The following ZNF385D variants were observed in gnomAD, a reference collection of about 807,000 sequenced individuals.
ZNF385D encodes zinc finger protein 659.
A neutral mutation model predicts 35.8 loss-of-function variants in ZNF385D; 15 were observed. The ratio of observed to expected loss-of-function variants is 0.42; its 90% confidence interval spans 0.28 to 0.64. The LOEUF is 0.64. ZNF385D is among the 30% of genes least tolerant of loss of function. The probability of loss-of-function intolerance (pLI) is 0.23; values close to 1 mark genes in which losing one functional copy is unlikely to be tolerated. For synonymous variants in ZNF385D, 212 were observed against 186.8 expected (o/e 1.13, Z -1.10); for missense variants, 474 against 494.6 (o/e 0.96, Z 0.39).
chr3:21,446,589 A>G (rs384149), intron 4 of ZNF385D, among the ~76,000 whole-genome samples: 96,503 of 148,558 alleles, frequency 0.65, 31,437 homozygotes, highest in African/African-American at 0.72. Context: ...TGCCTCCTGG[A>G]TTCAAGTGAT....
intron 2 of ZNF385D, among the ~76,000 whole-genome samples, chr3:22,175,464 A>C (rs1286417055): frequency 6.6e-6 from 1 of 152,028 alleles, no homozygotes; most frequent in African/African-American, 2.4e-5. Context: ...ATGAGAAAAA[A>C]AAAGCTATTA....
chr3:21,433,746 C>T (rs1701412582), intron 5 of ZNF385D, among the ~76,000 whole-genome samples: 1 of 152,176 alleles, frequency 6.6e-6, no homozygotes, highest in Non-Finnish European at 1.5e-5. Context: ...CTCTAAATAA[C>T]ATCAGCGATA....
chr3:21,967,380 A>G (rs1380810544), intron 3 of ZNF385D, among the ~76,000 whole-genome samples: 1 of 152,226 alleles, frequency 6.6e-6, no homozygotes, highest in Non-Finnish European at 1.5e-5. Flanking sequence ...TGAATAAATC[A>G]AAATTCAAGC....
At position 21,677,143 on chromosome 3, in the gene ZNF385D, C is replaced by A. The variant is rs369305960; in HGVS notation, c.23-12115G>T. 6.8e-4 allele frequency among the ~76,000 whole-genome samples: 104 copies of A among 152,162 alleles called. 2 individuals are homozygous for A. In the South Asian group the frequency reaches 0.019, roughly 28 times the overall value. ...AAGCTAAACTAACATGAAAGGGACG[C>A]AAATAATCAGTGGGACTTGTCATTG... On this transcript the variant is annotated intron_variant, in intron 1 of 7. Coordinates refer to ENST00000281523, the MANE Select transcript of ZNF385D (RefSeq NM_024697.3).
intron 3 of ZNF385D, among the ~76,000 whole-genome samples, chr3:22,094,323 A>T: frequency 8.2e-6 from 1 of 121,696 alleles, no homozygotes; most frequent in Non-Finnish European, 1.8e-5. Flanking sequence ...CTTAAGTTGT[A>T]CCCTTTTTTT....
chr3:22,032,478 C>T (rs938119592), intron 3 of ZNF385D, among the ~76,000 whole-genome samples: 2 of 152,128 alleles, frequency 1.3e-5, no homozygotes, highest in Non-Finnish European at 2.9e-5. Context: ...GATCTAATCA[C>T]CACCCACCAG....
chr3:22,045,018 A>G (rs1198416093), intron 3 of ZNF385D, among the ~76,000 whole-genome samples: 1 of 152,108 alleles, frequency 6.6e-6, no homozygotes, highest in Non-Finnish European at 1.5e-5. Context: ...AATCTCGAAA[A>G]AACAAAAATG....
At chr3:21,952,090 C>G (rs1299523804) in intron 3 of ZNF385D, among the ~76,000 whole-genome samples, 1 of 148,706 alleles carries the variant, frequency 6.7e-6, no homozygotes, top group Non-Finnish European at 1.5e-5. Context: ...AACCAATGAT[C>G]TCATACCTTC....
chr3:22,255,812 C>G (rs529904620), intron 2 of ZNF385D, among the ~76,000 whole-genome samples: 4 of 148,782 alleles, frequency 2.7e-5, no homozygotes, highest in African/African-American at 9.9e-5. Flanking sequence ...TTAGTTGGGA[C>G]TCATGCTTTC....
intron 3 of ZNF385D, among the ~76,000 whole-genome samples, chr3:21,986,162 T>G (rs1184287439): frequency 1.8e-4 from 12 of 68,440 alleles, no homozygotes; most frequent in Middle Eastern, 6.2e-3. Flanking sequence ...TGTGTCTCTA[T>G]TTCCTTCAGT....
chr3:22,069,876 T>C lies in ZNF385D; in HGVS notation c.325+98941A>G, dbSNP rs78614263. On this transcript the variant is annotated intron_variant, in intron 3 of 5. Coordinates refer to the ZNF385D transcript ENST00000494108. Reference sequence around the variant, plus strand: ...GGCAGGTACCTTCCTTTGCTCTATGTCTCCTTTTGCTTTACTGCTGGTTCT... The same window carrying C: ...GGCAGGTACCTTCCTTTGCTCTATGCCTCCTTTTGCTTTACTGCTGGTTCT... Among the ~76,000 whole-genome samples, 453 of 152,282 alleles carry C rather than the reference T, an allele frequency of 3.0e-3. 2 individuals are homozygous for C. The highest frequency in any genetic ancestry group is 4.8e-3 in the Non-Finnish European group (329 of 68,028).
intron 3 of ZNF385D, among the ~76,000 whole-genome samples, chr3:21,975,819 A>T (rs55897452): frequency 0.31 from 37,734 of 120,686 alleles, 5,332 homozygotes; most frequent in South Asian, 0.35. Flanking sequence ...CCATGAAAAT[A>T]AAAAAAAAAT....
At chr3:22,256,142 T>C (rs1029753590) in intron 2 of ZNF385D, among the ~76,000 whole-genome samples, 7 of 151,634 alleles carry the variant, frequency 4.6e-5, no homozygotes, top group African/African-American at 9.7e-5. Flanking sequence ...AAACTTAGAC[T>C]GGCTCTCCTT....
chr3:22,167,011 T>C (rs374635816), intron 3 of ZNF385D, among the ~76,000 whole-genome samples: 2 of 152,350 alleles, frequency 1.3e-5, no homozygotes, highest in South Asian at 4.1e-4. Flanking sequence ...ATATACATTT[T>C]AAAATCATGA....
At chr3:21,821,965 C>CAAA (rs34222360) in intron 3 of ZNF385D, among the ~76,000 whole-genome samples, 5,072 of 108,268 alleles carry the variant, frequency 0.047, 114 homozygotes, top group African/African-American at 0.072. Context: ...GACCTTGTCT[C>CAAA]AAAAAAAAAA....
intron 2 of ZNF385D, among the ~76,000 whole-genome samples, chr3:22,173,226 C>T (rs1694586728): frequency 6.6e-6 from 1 of 152,076 alleles, no homozygotes; most frequent in African/African-American, 2.4e-5. Flanking sequence ...AATACTAAAA[C>T]TAAATGAAAT....
chr3:21,690,309 A>T (rs1559521703), intron 1 of ZNF385D, among the ~76,000 whole-genome samples: 1 of 152,062 alleles, frequency 6.6e-6, no homozygotes, highest in Non-Finnish European at 1.5e-5. Context: ...ATTGATTTGA[A>T]GGGGCAATAA....
intron 3 of ZNF385D, among the ~76,000 whole-genome samples, chr3:22,037,098 A>T (rs936301733): frequency 6.6e-6 from 1 of 151,904 alleles, no homozygotes; most frequent in Non-Finnish European, 1.5e-5. Flanking sequence ...CATTTTCTTA[A>T]TCCAGTCTAT....
intron 2 of ZNF385D, among the ~76,000 whole-genome samples, chr3:21,623,048 C>G (rs1173466152): frequency 6.6e-6 from 1 of 152,080 alleles, no homozygotes; most frequent in East Asian, 1.9e-4. Flanking sequence ...ATAACATGTT[C>G]GAGCACAGGG....
Sources: allele counts gnomAD v4.1 joint callset (sites outside exome capture counted in the v4.1 genomes callset), GRCh38; gene constraint gnomAD v4.1.1; transcripts MANE v1.5; gene names NCBI Gene and HGNC (gene_info 2026-07-23, HGNC 2026-07-21).